FAM227B: variants seen among roughly 807,000 people sequenced by gnomAD.
The protein encoded by FAM227B is protein FAM227B.
In FAM227B, 88 loss-of-function variants were observed where a neutral mutation model predicts 73.8. The observed-to-expected ratio is 1.19, with a 90% CI of 1.00 to 1.42. FAM227B has a LOEUF of 1.42. Ranked by LOEUF, FAM227B falls within the 40% of genes most tolerant of loss-of-function variation. FAM227B has a pLI of 0.00. For synonymous variants in FAM227B, 210 were observed against 190.5 expected, an observed-to-expected ratio of 1.10 and a Z score of -0.84; for missense variants, 632 against 590.9, an observed-to-expected ratio of 1.07 and a Z score of -0.72.
intron 3 of FAM227B, among the ~76,000 whole-genome samples, chr15:49,593,020 C>T (rs1481359863): frequency 6.6e-6 from 1 of 152,196 alleles, no homozygotes; most frequent in Non-Finnish European, 1.5e-5. Flanking sequence ...TCCTGGTCTG[C>T]CAGTTGCTAA....
chr15:49,521,673 G>A (rs2059796731), intron 10 of FAM227B, among the ~76,000 whole-genome samples: 1 of 152,156 alleles, frequency 6.6e-6, no homozygotes, highest in African/African-American at 2.4e-5. Context: ...GCTGGGGAGA[G>A]AGTTTCTTCC....
chr15:49,478,434 T>C (rs1220718560), intron 11 of FAM227B, among the ~76,000 whole-genome samples: 1 of 152,118 alleles, frequency 6.6e-6, no homozygotes, highest in African/African-American at 2.4e-5. Context: ...ATTTTAGTGA[T>C]GTAAAATGAA....
intron 12 of FAM227B, 61 bp downstream of exon 12, chr15:49,371,241 T>C (rs1355019598): frequency 5.0e-6 from 5 of 1,005,344 alleles, no homozygotes; most frequent in Non-Finnish European, 7.8e-6. Flanking sequence ...GCACAGTCAA[T>C]TGCAAATATA....
chr15:49,531,637 T>C (rs756434048), intron 10 of FAM227B, among the ~76,000 whole-genome samples: 13 of 151,954 alleles, frequency 8.6e-5, no homozygotes, highest in Non-Finnish European at 1.8e-4. Context: ...GTCTCATGCT[T>C]TTGTTGTTTA....
At chr15:49,384,731 T>C (rs1231436530) in intron 11 of FAM227B, among the ~76,000 whole-genome samples, 3 of 152,008 alleles carry the variant, frequency 2.0e-5, no homozygotes, top group African/African-American at 7.2e-5. Context: ...CTAGTAATAG[T>C]TAAGATTATA....
chr15:49,421,875 G>C (rs1286799916), intron 11 of FAM227B, among the ~76,000 whole-genome samples: 1 of 152,034 alleles, frequency 6.6e-6, no homozygotes, highest in East Asian at 1.9e-4. Flanking sequence ...CAGCTTTCTA[G>C]CTTTCAACAG....
At chr15:49,359,616 T>C (rs948401295) in intron 13 of FAM227B, among the ~76,000 whole-genome samples, 4 of 123,252 alleles carry the variant, frequency 3.2e-5, no homozygotes, top group African/African-American at 6.2e-5. Context: ...TGTGGAGAAA[T>C]AGGAACACTT....
At chr15:49,342,597 T>C (rs1242763382) in intron 13 of FAM227B, among the ~76,000 whole-genome samples, 1 of 152,142 alleles carries the variant, frequency 6.6e-6, no homozygotes, top group African/African-American at 2.4e-5. Flanking sequence ...TGCTTTGTAG[T>C]TTCTATTGTG....
At chr15:49,573,627 T>C (rs1230087269) in intron 8 of FAM227B, among the ~76,000 whole-genome samples, 2 of 152,190 alleles carry the variant, frequency 1.3e-5, no homozygotes, top group Admixed American at 1.3e-4. Flanking sequence ...CAAGGGATGA[T>C]GCAGCAAAAA....
chr15:49,418,167 G>T (rs1334423264), intron 11 of FAM227B, among the ~76,000 whole-genome samples: 1 of 152,094 alleles, frequency 6.6e-6, no homozygotes, highest in Non-Finnish European at 1.5e-5. Flanking sequence ...AAAAATAAAC[G>T]CTGGCAAGCT....
intron 11 of FAM227B, among the ~76,000 whole-genome samples, chr15:49,411,114 T>A (rs1385815772): frequency 1.5e-5 from 2 of 135,178 alleles, no homozygotes; most frequent in African/African-American, 2.7e-5. Flanking sequence ...GGGAAGGAGG[T>A]TGGATAGGAT....
At chr15:49,388,604 G>A (rs2047021602) in intron 11 of FAM227B, among the ~76,000 whole-genome samples, 2 of 151,684 alleles carry the variant, frequency 1.3e-5, no homozygotes, top group Admixed American at 1.3e-4. Flanking sequence ...GATCCCAAAA[G>A]CAAATATAAC....
At chr15:49,504,373 T>C (rs572699643) in intron 11 of FAM227B, among the ~76,000 whole-genome samples, 17 of 151,754 alleles carry the variant, frequency 1.1e-4, no homozygotes, top group African/African-American at 3.6e-4. Flanking sequence ...CATGTATACA[T>C]ATGTAACAAA....
intron 13 of FAM227B, among the ~76,000 whole-genome samples, chr15:49,336,911 T>C (rs1458708337): frequency 1.3e-5 from 2 of 152,206 alleles, no homozygotes; most frequent in Non-Finnish European, 2.9e-5. Flanking sequence ...TTTATGTCCA[T>C]GAGTACCCAA....
chr15:49,516,184 C>A (rs1301735659), intron 10 of FAM227B, among the ~76,000 whole-genome samples: 2 of 152,000 alleles, frequency 1.3e-5, no homozygotes, highest in Non-Finnish European at 2.9e-5. Flanking sequence ...GGGGCTTTAT[C>A]CCTTTCCTTC....
At chr15:49,425,872 AT>A (rs956268092) in intron 11 of FAM227B, among the ~76,000 whole-genome samples, 5 of 151,782 alleles carry the variant, frequency 3.3e-5, no homozygotes, top group African/African-American at 1.2e-4. Flanking sequence ...GATCATTCTT[AT>A]TATACTAAAG....
At chr15:49,514,095 C>T (rs1009657448) in intron 10 of FAM227B, among the ~76,000 whole-genome samples, 7 of 151,872 alleles carry the variant, frequency 4.6e-5, no homozygotes, top group Admixed American at 1.3e-4. Context: ...TTTTTGGTTC[C>T]ATCTGAATTT....
chr15:49,561,547 T>C (rs1188457549), intron 9 of FAM227B, among the ~76,000 whole-genome samples: 1 of 152,066 alleles, frequency 6.6e-6, no homozygotes, highest in Non-Finnish European at 1.5e-5. Context: ...ACTCCACCCA[T>C]CAACTAGAAA....
At chr15:49,608,889 A>G (rs534260335) in intron 3 of FAM227B, among the ~76,000 whole-genome samples, 1 of 152,026 alleles carries the variant, frequency 6.6e-6, no homozygotes, top group Non-Finnish European at 1.5e-5. Context: ...TCAAAAGTAT[A>G]ATATATAAAT....
Sources: gnomAD v4.1 joint callset for allele counts (sites outside exome capture counted in the v4.1 genomes callset) on GRCh38, gnomAD v4.1.1 for gene constraint, MANE v1.5 for transcripts, NCBI Gene and HGNC (gene_info 2026-07-23, HGNC 2026-07-21) for gene names.